MRPS9: variants seen among roughly 807,000 people sequenced by gnomAD.
The protein encoded by MRPS9 is mitochondrial ribosomal protein S9, also known as small ribosomal subunit protein uS9m.
Under a neutral mutation model 59.9 loss-of-function variants are expected in MRPS9, and 45 were observed. The ratio of observed to expected loss-of-function variants is 0.75; its 90% CI spans 0.59 to 0.96. The LOEUF (loss-of-function observed/expected upper bound fraction) is 0.96. Among genes scored for constraint, MRPS9 ranks in the 40% least tolerant of loss-of-function variants. The pLI, the probability that MRPS9 is intolerant of heterozygous loss-of-function variation, is 0.00. For synonymous variants in MRPS9, 171 were observed against 166.8 expected (o/e 1.03, Z -0.19); for missense variants, 473 against 481.1 (o/e 0.98, Z 0.16).
At chr2:105,038,446 G>T in intron 1 of MRPS9, 2 of 574,328 alleles carry the variant, frequency 3.5e-6, no homozygotes, top group Non-Finnish European at 6.1e-6. Flanking sequence ...GCAGCGAGGG[G>T]AACTTACCTG....
intron 5 of MRPS9, among the ~76,000 whole-genome samples, chr2:105,086,794 C>G (rs1680454963): frequency 6.6e-6 from 1 of 151,148 alleles, no homozygotes; most frequent in African/African-American, 2.4e-5. Flanking sequence ...ATGTAGTTTC[C>G]TTACCAGAGC....
intron 2 of MRPS9, among the ~76,000 whole-genome samples, chr2:105,049,766 A>T (rs1010724913): frequency 1.4e-4 from 22 of 152,232 alleles, no homozygotes; most frequent in African/African-American, 5.3e-4. Context: ...AGTCTAAGTG[A>T]TTTGAAAATT....
At chr2:105,055,547 G>A (rs1679776336) in intron 2 of MRPS9, among the ~76,000 whole-genome samples, 1 of 148,234 alleles carries the variant, frequency 6.7e-6, no homozygotes, top group African/African-American at 2.5e-5. Flanking sequence ...ATTAAATATA[G>A]CGGGCCCCTT....
chr2:105,097,835 G>A (rs948528275), intron 10 of MRPS9, among the ~76,000 whole-genome samples: 2 of 152,122 alleles, frequency 1.3e-5, no homozygotes, highest in African/African-American at 2.4e-5. Flanking sequence ...CAGGTAGTTA[G>A]GACTATGACA....
Position 105,089,992 on chromosome 2 carries a change from A to C in MRPS9, c.648A>C (p.Leu216=). ...TGTTAGTGGAAAAACTGTCAGATCTAGATGTGAGTAATTAATCTTTTTAAT... is the reference window on the plus strand; with the variant it reads ...TGTTAGTGGAAAAACTGTCAGATCTCGATGTGAGTAATTAATCTTTTTAAT... ...EEMLVEKLSD[L]DYMQFIRLLE... The change falls in exon 7 of 11, where the codon CTA becomes CTC. Residue 216 remains leucine, a synonymous_variant. Coordinates refer to ENST00000258455, the MANE Select transcript of MRPS9 (RefSeq NM_182640.3). The C allele has an allele frequency of 6.3e-7, 1 of 1,580,188 alleles. No individual in the cohort carries two copies. The highest frequency in any genetic ancestry group is 2.3e-5 in the East Asian group (1 of 44,416).
intron 2 of MRPS9, among the ~76,000 whole-genome samples, chr2:105,061,278 C>G (rs1679896586): frequency 6.6e-6 from 1 of 152,112 alleles, no homozygotes; most frequent in Non-Finnish European, 1.5e-5. Context: ...TTTGCGTAGC[C>G]TGGCTTTGAA....
At chr2:105,044,493 C>T (rs139216623) in intron 1 of MRPS9, among the ~76,000 whole-genome samples, 6 of 152,250 alleles carry the variant, frequency 3.9e-5, no homozygotes, top group African/African-American at 1.2e-4. Context: ...TCCAGAATGC[C>T]ATACTCTTAA....
chr2:105,074,109 G>A (rs185362460), intron 4 of MRPS9, among the ~76,000 whole-genome samples: 30 of 152,248 alleles, frequency 2.0e-4, no homozygotes, highest in Non-Finnish European at 3.7e-4. Context: ...TGAGGTTACA[G>A]ACATGACAAT....
chr2:105,071,439 A>C lies in MRPS9; in HGVS notation c.379-20A>C, dbSNP rs1375147614. Reference sequence around the variant, plus strand: ...ATATGTTATGATAATTATCTAATACATTATTAATTTATTTTACAGCATCCT... The same window carrying C: ...ATATGTTATGATAATTATCTAATACCTTATTAATTTATTTTACAGCATCCT... On this transcript the variant is annotated intron_variant, in intron 3 of 10. Transcript: ENST00000258455. 1 of 1,592,484 alleles carries C rather than the reference A, an allele frequency of 6.3e-7. No individual in the cohort carries two copies. The highest frequency in any genetic ancestry group is 1.1e-5 in the South Asian group (1 of 88,162).
intron 2 of MRPS9, among the ~76,000 whole-genome samples, chr2:105,064,572 G>A (rs1423337774): frequency 6.6e-6 from 1 of 152,180 alleles, no homozygotes; most frequent in Non-Finnish European, 1.5e-5. Context: ...ACCCCTTTGT[G>A]AGTGCTGTGA....
At chr2:105,050,370 C>G (rs1328233705) in intron 2 of MRPS9, among the ~76,000 whole-genome samples, 1 of 152,128 alleles carries the variant, frequency 6.6e-6, no homozygotes, top group East Asian at 1.9e-4. Flanking sequence ...GAACTCCTGA[C>G]CTCTGGCGAT....
rs767145979 is a variant in MRPS9, at chr2:105,097,207, G to T, written c.982G>T (p.Val328Leu). 6.2e-7 allele frequency: 1 copy of T among 1,605,920 alleles called. No individual in the cohort carries two copies. The highest frequency in any genetic ancestry group is 2.3e-5 in the East Asian group (1 of 44,232). ...TGTTGACCGGCTGGGAAAGCACGAC[G>T]TGACCTGCACAGTCTCAGGGGGCGG... ...HFVDRLGKHD[V>L]TCTVSGGGRS... Residue 328 changes from valine (V) to leucine (L), a missense_variant, in exon 10 of 11, where the codon GTG becomes TTG. Val to Leu is a conservative substitution (Grantham distance 32, BLOSUM62 1). Coordinates refer to ENST00000258455, the MANE Select transcript of MRPS9 (RefSeq NM_182640.3).
chr2:105,042,199 G>T (rs1337536641), intron 1 of MRPS9, among the ~76,000 whole-genome samples: 1 of 152,250 alleles, frequency 6.6e-6, no homozygotes, highest in Admixed American at 6.5e-5. Context: ...AAGAGTCCAG[G>T]TATTGGCCGG....
rs756649515 is a variant in MRPS9 at position 105,089,963 on chromosome 2, G to C, written c.619G>C (p.Glu207Gln). The C allele has an allele frequency of 6.8e-6, 11 of 1,610,254 alleles. No homozygotes were observed. The highest frequency in any genetic ancestry group is 7.6e-6 in the Non-Finnish European group (9 of 1,177,608). ...SRWLIKEELE[E>Q]MLVEKLSDLD... ...ATGGCTGATTAAGGAGGAACTAGAA[G>C]AAATGTTAGTGGAAAAACTGTCAGA... Residue 207 changes from glutamate to glutamine, a missense_variant, in exon 7 of 11, where the codon GAA becomes CAA. By Grantham distance (29) the Glu-to-Gln change is conservative. Transcript: ENST00000258455.
At position 105,069,455 on chromosome 2, in the gene MRPS9, C is replaced by T. The variant is rs1680070228; in HGVS notation, c.316-1858C>T. 3.3e-5 allele frequency among the ~76,000 whole-genome samples: 5 copies of T among 152,202 alleles called. No individual in the cohort carries two copies. In the South Asian group the frequency reaches 1.0e-3, roughly 32 times the overall value. On this transcript the variant is annotated intron_variant, in intron 2 of 10. Transcript: ENST00000258455. Reference sequence around the variant, plus strand: ...GTCTCGAACTCCTGACCTCGTGATCCACCCACCTCAGCCTCTCAAAGTGCT... The same window carrying T: ...GTCTCGAACTCCTGACCTCGTGATCTACCCACCTCAGCCTCTCAAAGTGCT...
At chr2:105,091,543 A>T (rs1271467058) in intron 7 of MRPS9, 2 of 298,500 alleles carry the variant, frequency 6.7e-6, no homozygotes, top group Non-Finnish European at 1.4e-5. Flanking sequence ...TGAGATTTTT[A>T]AAAATTTCAA....
At chr2:105,058,798 G>A (rs1157422089) in intron 2 of MRPS9, among the ~76,000 whole-genome samples, 1 of 151,448 alleles carries the variant, frequency 6.6e-6, no homozygotes, top group Non-Finnish European at 1.5e-5. Flanking sequence ...TCCTGCCTCA[G>A]CCTCCTGAGT....
chr2:105,060,816 A>G (rs1679886252), intron 2 of MRPS9, among the ~76,000 whole-genome samples: 1 of 151,946 alleles, frequency 6.6e-6, no homozygotes, highest in African/African-American at 2.4e-5. Flanking sequence ...GTAAAGATGA[A>G]AAGTTAAATA....
chr2:105,066,057 G>T (rs752171580), intron 2 of MRPS9, among the ~76,000 whole-genome samples: 3 of 152,208 alleles, frequency 2.0e-5, no homozygotes, highest in Non-Finnish European at 4.4e-5. Flanking sequence ...TAAACAGATG[G>T]CAGACAGCGT....
Sources: gnomAD v4.1 joint callset for allele counts (sites outside exome capture counted in the v4.1 genomes callset) on GRCh38, gnomAD v4.1.1 for gene constraint, MANE v1.5 for transcripts, NCBI Gene and HGNC (gene_info 2026-07-23, HGNC 2026-07-21) for gene names.